The following STRADA variants were observed in gnomAD, a reference collection of about 807,000 sequenced individuals.
STRADA encodes STE20-related kinase adapter protein alpha.
STRADA carries 26 observed loss-of-function variants against 55.0 expected under a neutral mutation model. The ratio of observed to expected loss-of-function variants is 0.47; its 90% CI spans 0.35 to 0.66. STRADA has a LOEUF of 0.66. Ranked by LOEUF, STRADA falls within the 30% of genes least tolerant of loss-of-function variation. The probability of loss-of-function intolerance (pLI) is 0.01; values close to 1 mark genes in which losing one functional copy is unlikely to be tolerated. For missense variants in STRADA, 443 were observed against 549.7 expected, an observed-to-expected ratio of 0.81 and a Z score of 1.94; for synonymous variants, 197 against 210.9, an observed-to-expected ratio of 0.93 and a Z score of 0.57.
At chr17:63,710,452 AC>A in intron 8 of STRADA, 38 bp downstream of exon 8, 1 of 1,611,856 alleles carries the variant, frequency 6.2e-7, no homozygotes, top group Non-Finnish European at 8.5e-7. Context: ...GGGCATAGCT[AC>A]CCACTGTAAT....
chr17:63,727,484 T>C (rs1446848022), intron 2 of STRADA: 5 of 152,216 alleles, frequency 3.3e-5, no homozygotes, highest in Non-Finnish European at 5.9e-5. Flanking sequence ...AAGTTTACTC[T>C]TTCTAATATA....
chr17:63,720,894 C>T (rs1271266874), intron 4 of STRADA, among the ~76,000 whole-genome samples: 6 of 143,082 alleles, frequency 4.2e-5, no homozygotes, highest in African/African-American at 1.3e-4. Flanking sequence ...GTCAGGAGTT[C>T]GAGTCCAGCC....
intron 1 of STRADA, among the ~76,000 whole-genome samples, chr17:63,730,105 G>A (rs1055600484): frequency 4.6e-5 from 7 of 151,990 alleles, no homozygotes; most frequent in Admixed American, 6.6e-5. Context: ...CAAAGTGCTG[G>A]GATTATAGGC....
At chr17:63,733,290 G>C (rs1184544156) in intron 1 of STRADA, among the ~76,000 whole-genome samples, 1 of 152,046 alleles carries the variant, frequency 6.6e-6, no homozygotes, top group African/African-American at 2.4e-5. Context: ...AAATGTTTAA[G>C]ACATATGGGT....
intron 2 of STRADA, chr17:63,726,970 T>TC (rs2037705217): frequency 2.2e-6 from 1 of 457,952 alleles, no homozygotes; most frequent in Non-Finnish European, 3.9e-6. Flanking sequence ...GTTTTTGCCT[T>TC]CCCTATATTG....
At position 63,740,830 on chromosome 17, in the gene STRADA, A is replaced by C. The variant is rs2144401587; in HGVS notation, c.-45+911T>G. ...ACACCTCTAAGAAATCTGATTAAAAAGTAGGGGACAGATTTGACCAGTTCA... is the reference window on the plus strand; with the variant it reads ...ACACCTCTAAGAAATCTGATTAAAACGTAGGGGACAGATTTGACCAGTTCA... On this transcript the variant is annotated intron_variant, in intron 1 of 12. Transcript: ENST00000336174. 2.0e-5 allele frequency among the ~76,000 whole-genome samples: 3 copies of C among 152,322 alleles called. No homozygotes were observed. In the South Asian group the frequency reaches 6.2e-4, roughly 32 times the overall value.
chr17:63,737,277 A>AAAAAAAAAAAT (rs2038514342), intron 1 of STRADA: 1 of 143,504 alleles, frequency 7.0e-6, no homozygotes, highest in Non-Finnish European at 1.5e-5. Context: ...AAAAAAAAAA[A>AAAAAAAAAAAT]TTGAGATAGT....
chr17:63,741,328 GGACTTGACCCGCT>G (rs1404709859), intron 1 of STRADA: 1 of 152,230 alleles, frequency 6.6e-6, no homozygotes, highest in Non-Finnish European at 1.5e-5. Context: ...GTCCTTACGA[GGACTTGACCCGCT>G]GCCTGTCAGC....
chr17:63,708,733 C>G (rs951025628), intron 8 of STRADA, among the ~76,000 whole-genome samples: 1 of 152,046 alleles, frequency 6.6e-6, no homozygotes, highest in Admixed American at 6.5e-5. Context: ...CAGGGTTTTG[C>G]GATGTTGGCC....
chr17:63,728,325 A>G lies in STRADA; in HGVS notation c.36+9T>C, dbSNP rs761546138. 1.9e-6 allele frequency: 3 copies of G among 1,613,320 alleles called. No individual in the cohort carries two copies. The South Asian group carries it at 3.3e-5, about 18-fold the overall frequency. On this transcript the variant is annotated intron_variant, in intron 2 of 12. Coordinates refer to ENST00000336174, the MANE Select transcript of STRADA (RefSeq NM_001003787.4). ...AATAGTAAAGCCAGAAGAATAGAAAAACACTCACCCTGATTCGCTCTGGTT... is the reference window on the plus strand; with the variant it reads ...AATAGTAAAGCCAGAAGAATAGAAAGACACTCACCCTGATTCGCTCTGGTT...
chr17:63,708,200 CTTG>C (rs540530382), intron 8 of STRADA, among the ~76,000 whole-genome samples: 29 of 150,896 alleles, frequency 1.9e-4, no homozygotes, highest in Admixed American at 9.9e-4. Flanking sequence ...GTTTTTTGTT[CTTG>C]TTGTTGTTGT....
At chr17:63,712,945 G>A (rs888770106) in intron 6 of STRADA, among the ~76,000 whole-genome samples, 1 of 149,344 alleles carries the variant, frequency 6.7e-6, no homozygotes, top group Non-Finnish European at 1.5e-5. Flanking sequence ...GGGTTGCAGT[G>A]AGCCGAGATC....
At chr17:63,733,987 G>C (rs1304657203) in intron 1 of STRADA, among the ~76,000 whole-genome samples, 1 of 152,150 alleles carries the variant, frequency 6.6e-6, no homozygotes, top group Non-Finnish European at 1.5e-5. Flanking sequence ...GTATTCTTCT[G>C]TTGAAATAAA....
rs1051246761 is a variant in STRADA, at chr17:63,736,849, C to CA, written c.-45+4891dup. On this transcript the variant is annotated intron_variant, in intron 1 of 12. Transcript: ENST00000336174. ...TTTCTTCCCCCCACGCCCCCCCCAC[C>CA]AAAAAAAAATCAAGCAGAAAGGCAA... 2.9e-4 allele frequency among the ~76,000 whole-genome samples: 37 copies of CA among 127,460 alleles called. 1 individual carries two copies. The highest frequency in any genetic ancestry group is 4.0e-3 in the Middle Eastern group (1 of 248). The allele number at this position is 127,460 out of a possible 152,430, so 83.6% of individuals were successfully genotyped here.
chr17:63,704,507 T>C lies in STRADA; in HGVS notation c.934A>G (p.Met312Val). 6 of 1,609,714 alleles carry C rather than the reference T, an allele frequency of 3.7e-6. No individual in the cohort carries two copies. The highest frequency in any genetic ancestry group is 5.1e-6 in the Non-Finnish European group (6 of 1,177,780). Reference protein sequence around the residue: ...TSTIPAEELTMSPSRSVANSG... With the variant: ...TSTIPAEELTVSPSRSVANSG... ...TTGGCCACTGAGCGCGAAGGGCTCA[T>C]GGTCAGCTCCTCAGCGGGGATGGTG... The change falls in exon 11 of 13, where the codon ATG (methionine) becomes GTG (valine). Residue 312 changes from methionine (M) to valine (V), a missense_variant. Physicochemically the swap from Met to Val is conservative, Grantham distance 21. Transcript: ENST00000336174.
chr17:63,703,358 A>G lies in STRADA; in HGVS notation c.*241T>C, dbSNP rs991673564. On this transcript the variant is annotated 3_prime_UTR_variant, in exon 13 of 13. Coordinates refer to ENST00000336174, the MANE Select transcript of STRADA (RefSeq NM_001003787.4). ...GTCACCTGAGCTCACAGGACTGGGA[A>G]TGTCGGCTTTGGACCCTCCTGATCC... 60 of 445,894 alleles carry G rather than the reference A, an allele frequency of 1.3e-4. No individual in the cohort carries two copies. Among genetic ancestry groups the G allele is most frequent in the Admixed American group, 2.4e-4 (6 of 25,180 alleles). 27.6% of individuals were successfully genotyped at this position (445,894 alleles called of 1,614,324 possible). A position where few individuals can be genotyped will look rare whatever the true frequency, so the allele number is the denominator to read the frequency against.
chr17:63,725,360 C>T (rs577267237), intron 3 of STRADA, among the ~76,000 whole-genome samples: 47 of 152,170 alleles, frequency 3.1e-4, no homozygotes, highest in Non-Finnish European at 6.2e-4. Context: ...TTTTTTGAGA[C>T]GGAGTCTCAA....
At chr17:63,704,200 C>T (rs1237685246) in intron 11 of STRADA, 141 bp downstream of exon 11, 1 of 1,521,270 alleles carries the variant, frequency 6.6e-7, no homozygotes, top group Admixed American at 2.1e-5. Flanking sequence ...GCCTCTGACA[C>T]ACCCAGGAGC....
In STRADA at chr17:63,704,374, A is replaced by G. The variant is rs1397365424; in HGVS notation, c.1067T>C (p.Val356Ala). 1.2e-6 allele frequency: 2 copies of G among 1,612,728 alleles called. No individual in the cohort carries two copies. The highest frequency in any genetic ancestry group is 1.7e-6 in the Non-Finnish European group (2 of 1,179,718). The part of the protein sequence containing the change: ...RTFSPHFHHF[V>A]EQCLQRNPDA... The stretch of plus-strand genomic sequence containing the variant: ...CGGGTTGCGCTGAAGGCACTGCTCC[A>G]CAAAGTGGTGGAAGTGGGGGGAGAA... Residue 356 changes from valine to alanine, a missense_variant, in exon 11 of 13, where the codon GTG (valine) becomes GCG (alanine). Val to Ala is a moderately conservative substitution (Grantham distance 64, BLOSUM62 0). Coordinates refer to ENST00000336174, the MANE Select transcript of STRADA (RefSeq NM_001003787.4).
Sources: gnomAD v4.1 joint callset for allele counts (sites outside exome capture counted in the v4.1 genomes callset) on GRCh38, gnomAD v4.1.1 for gene constraint, MANE v1.5 for transcripts, NCBI Gene and HGNC (gene_info 2026-07-23, HGNC 2026-07-21) for gene names.